Variants in MMRN1 observed in about 807,000 individuals in gnomAD.
MMRN1 encodes the protein multimerin 1.
MMRN1 carries 94 observed loss-of-function variants against 100.7 expected under a neutral mutation model. The ratio of observed to expected loss-of-function variants is 0.93; its 90% CI spans 0.79 to 1.11. The LOEUF (loss-of-function observed/expected upper bound fraction) is 1.11, where lower values mean the gene tolerates loss of function less well. MMRN1 is among the 50% of genes least tolerant of loss of function. MMRN1 has a pLI of 0.00. For missense variants in MMRN1, 1,606 were observed against 1,439.1 expected, an observed-to-expected ratio of 1.12 and a Z score of -1.88; for synonymous variants, 575 against 505.0, an observed-to-expected ratio of 1.14 and a Z score of -1.86.
In MMRN1 at chr4:89,953,132, C is replaced by G; in HGVS notation, c.3401C>G (p.Thr1134Ser). 6.2e-7 allele frequency: 1 copy of G among 1,613,826 alleles called. No individual in the cohort carries two copies. Among genetic ancestry groups the G allele is most frequent in the Non-Finnish European group, 8.5e-7 (1 of 1,179,888 alleles). Residue 1134 changes from threonine to serine, a missense_variant, in exon 8 of 8, where the codon ACT becomes AGT. Physicochemically the swap from Thr to Ser is moderately conservative, Grantham distance 58. Transcript: ENST00000264790. ...VNYGASYTPRTGKFRIPYLGV... is the reference protein window; with the variant it reads ...VNYGASYTPRSGKFRIPYLGV... ...TATGGAGCTTCATATACCCCAAGAA[C>G]TGGAAAATTTAGAATTCCGTATCTT...
chr4:89,950,927 T>C (rs1723146767), intron 6 of MMRN1, among the ~76,000 whole-genome samples: 1 of 152,080 alleles, frequency 6.6e-6, no homozygotes, highest in South Asian at 2.1e-4. Context: ...TGAATATTAG[T>C]CATTAGATTG....
At chr4:89,904,721 G>T (rs1721506791) in intron 1 of MMRN1, among the ~76,000 whole-genome samples, 1 of 151,606 alleles carries the variant, frequency 6.6e-6, no homozygotes, top group Non-Finnish European at 1.5e-5. Context: ...TTCTGTTATT[G>T]TGATACATGA....
chr4:89,908,448 G>T (rs1332013865), intron 1 of MMRN1, among the ~76,000 whole-genome samples: 2 of 151,488 alleles, frequency 1.3e-5, no homozygotes, highest in East Asian at 1.9e-4. Flanking sequence ...AAAATTCATA[G>T]AATTTGAAGA....
Position 89,936,547 on chromosome 4 carries a change from T to C in MMRN1, c.2867T>C (p.Ile956Thr), listed in dbSNP as rs1722647287. 3.1e-6 allele frequency: 5 copies of C among 1,612,832 alleles called. No homozygotes were observed. The highest frequency in any genetic ancestry group is 1.7e-4 in the Middle Eastern group (1 of 6,052). ...PKWIKHSLPD[I>T]QLLQKGLTEF... Reference sequence around the variant, plus strand: ...TGGATAAAACATTCCCTGCCAGATATTCAACTTCTTCAGAAAGGTCTAACA... The same window carrying C: ...TGGATAAAACATTCCCTGCCAGATACTCAACTTCTTCAGAAAGGTCTAACA... Residue 956 changes from isoleucine to threonine, a missense_variant, in exon 6 of 8, where the codon ATT (isoleucine) becomes ACT (threonine). Ile to Thr is a moderately conservative substitution (Grantham distance 89). Coordinates refer to ENST00000264790, the MANE Select transcript of MMRN1 (RefSeq NM_007351.3).
chr4:89,937,019 T>G (rs923623371), intron 6 of MMRN1, among the ~76,000 whole-genome samples: 1 of 152,078 alleles, frequency 6.6e-6, no homozygotes. Flanking sequence ...TATTTGGCTA[T>G]GTGTTTTTAA....
chr4:89,952,867 T>G, intron 7 of MMRN1, 130 bp from the exon 8 acceptor site: 1 of 855,852 alleles, frequency 1.2e-6, no homozygotes, highest in Non-Finnish European at 1.8e-6. Context: ...GCACCTTTGC[T>G]AAGTTTGATG....
rs1311188244 is a variant in MMRN1, at chr4:89,909,392, A to G, written c.740A>G (p.Gln247Arg). ...GGCTGGACCGGTGGATCCTGTCCTC[A>G]GAGGTATGTAATATTTCTTGAAAAT... is the stretch of plus-strand genomic sequence containing the variant. ...PCGWTGGSCP[Q>R]RSQKISNPVY... is the part of the protein sequence containing the mutation. Residue 247 changes from glutamine (Q) to arginine (R), a missense_variant, in exon 2 of 8, where the codon CAG (glutamine) becomes CGG (arginine). Gln to Arg is a conservative substitution (Grantham distance 43). Coordinates refer to ENST00000264790, the MANE Select transcript of MMRN1 (RefSeq NM_007351.3). 5 of 1,608,742 alleles carry G rather than the reference A, an allele frequency of 3.1e-6. No homozygotes were observed. Among genetic ancestry groups the G allele is most frequent in the Non-Finnish European group, 4.2e-6 (5 of 1,177,068 alleles).
At chr4:89,904,102 C>T (rs917822078) in intron 1 of MMRN1, among the ~76,000 whole-genome samples, 10 of 151,500 alleles carry the variant, frequency 6.6e-5, no homozygotes, top group African/African-American at 2.4e-4. Context: ...TTCCCCTCCT[C>T]CTCTCTTCTT....
At chr4:89,938,360 T>C (rs1457323585) in intron 6 of MMRN1, among the ~76,000 whole-genome samples, 1 of 150,256 alleles carries the variant, frequency 6.7e-6, no homozygotes, top group South Asian at 2.1e-4. Flanking sequence ...ATATAAGGAG[T>C]TGTTTTTTCC....
intron 3 of MMRN1, among the ~76,000 whole-genome samples, chr4:89,913,281 A>G (rs1721812081): frequency 6.6e-6 from 1 of 151,294 alleles, no homozygotes; most frequent in South Asian, 2.1e-4. Flanking sequence ...GGATATCATG[A>G]GATTATTAAT....
intron 6 of MMRN1, among the ~76,000 whole-genome samples, chr4:89,944,014 T>C (rs1233273093): frequency 6.6e-6 from 1 of 152,040 alleles, no homozygotes; most frequent in East Asian, 1.9e-4. Flanking sequence ...AAGATATACC[T>C]ATAGAGCAGT....
At chr4:89,903,353 G>GT (rs562454331) in intron 1 of MMRN1, among the ~76,000 whole-genome samples, 1,601 of 143,922 alleles carry the variant, frequency 0.011, 9 homozygotes, top group Middle Eastern at 0.043. Flanking sequence ...CATTCTGAAA[G>GT]TTTTTTTTTT....
chr4:89,888,018 A>C (rs1328920993), intron 1 of MMRN1, among the ~76,000 whole-genome samples: 1 of 151,940 alleles, frequency 6.6e-6, no homozygotes, highest in Non-Finnish European at 1.5e-5. Flanking sequence ...GACACTATTC[A>C]TTTTGTTCAC....
At chr4:89,943,300 T>A (rs1578502463) in intron 6 of MMRN1, among the ~76,000 whole-genome samples, 1 of 152,196 alleles carries the variant, frequency 6.6e-6, no homozygotes, top group East Asian at 1.9e-4. Flanking sequence ...ATTCGGTGAC[T>A]TTATTGTCAA....
At chr4:89,928,832 A>T (rs936109355) in intron 5 of MMRN1, among the ~76,000 whole-genome samples, 1 of 152,208 alleles carries the variant, frequency 6.6e-6, no homozygotes, top group Non-Finnish European at 1.5e-5. Context: ...CTTTAATCAC[A>T]GTTGCCAAGT....
intron 3 of MMRN1, among the ~76,000 whole-genome samples, 167 bp from the exon 4 acceptor site, chr4:89,923,001 G>C (rs1250192058): frequency 6.6e-6 from 1 of 152,052 alleles, no homozygotes; most frequent in Admixed American, 6.6e-5. Flanking sequence ...ATGTGGTGTT[G>C]CATTGCCCTA....
At chr4:89,927,576 C>T in intron 4 of MMRN1, among the ~76,000 whole-genome samples, 1 of 151,934 alleles carries the variant, frequency 6.6e-6, no homozygotes, top group Non-Finnish European at 1.5e-5. Context: ...TAATTTGACC[C>T]CTTCCTTTCT....
chr4:89,894,850 C>T (rs1448060006), upstream of MMRN1: 1 of 1,456,632 alleles, frequency 6.9e-7, no homozygotes, highest in Non-Finnish European at 9.0e-7. Flanking sequence ...CCTGTTTCCT[C>T]TACACATCTC....
chr4:89,907,458 T>C (rs750698875), intron 1 of MMRN1, among the ~76,000 whole-genome samples: 2 of 151,558 alleles, frequency 1.3e-5, no homozygotes, highest in African/African-American at 2.4e-5. Context: ...TGTACTTAAG[T>C]GAGGTTTTAC....
Sources: allele counts gnomAD v4.1 joint callset (sites outside exome capture counted in the v4.1 genomes callset), GRCh38; gene constraint gnomAD v4.1.1; transcripts MANE v1.5; gene names NCBI Gene and HGNC (gene_info 2026-07-23, HGNC 2026-07-21).